The following POLRMT variants were observed in gnomAD, a reference collection of about 807,000 sequenced individuals.
POLRMT encodes the protein DNA-directed RNA polymerase, mitochondrial.
A neutral mutation model predicts 132.2 loss-of-function variants in POLRMT; 114 were observed. The ratio of observed to expected loss-of-function variants is 0.86; its 90% CI spans 0.74 to 1.01. The LOEUF is 1.01. POLRMT is among the 50% of genes least tolerant of loss of function. The pLI is 0.00. For synonymous variants in POLRMT, 1,020 were observed against 773.4 expected (o/e 1.32, Z -5.29); for missense variants, 2,003 against 1,729.1 (o/e 1.16, Z -2.81).
At chr19:630,535 C>T (rs1985339396) in intron 2 of POLRMT, among the ~76,000 whole-genome samples, 1 of 152,182 alleles carries the variant, frequency 6.6e-6, no homozygotes, top group Admixed American at 6.5e-5. Flanking sequence ...CTCCTCTGGG[C>T]TTGCCTCCAG....
In POLRMT at chr19:632,914, G is replaced by A. The variant is rs748200791; in HGVS notation, c.113C>T (p.Pro38Leu). ...KEGTAGGVCG[P>L]RRSSSASPQE... ...GGGGCTGGCGGACGAGCTCCTCCTG[G>A]GGCCGCAGACGCCACCGGCGGTCCC... The change falls in exon 2 of 21, where the codon CCC (proline) becomes CTC (leucine). Residue 38 changes from proline to leucine, a missense_variant. Transcript: ENST00000588649. 6.5e-7 allele frequency: 1 copy of A among 1,531,534 alleles called. No homozygotes were observed. Among genetic ancestry groups the A allele is most frequent in the Non-Finnish European group, 8.7e-7 (1 of 1,144,286 alleles). 94.9% of individuals were successfully genotyped at this position (1,531,534 alleles called of 1,614,324 possible). A position where few individuals can be genotyped will look rare whatever the true frequency, so the allele number is the denominator to read the frequency against.
chr19:633,529 G>GGCGCCGCCCCCGCCGCCGCCGCCGCC lies in POLRMT; in HGVS notation c.-18_-17insGGCGGCGGCGGCGGCGGGGGCGGCGC, dbSNP rs57880842. On this transcript the variant is annotated 5_prime_UTR_variant, in exon 1 of 21. Coordinates refer to ENST00000588649, the MANE Select transcript of POLRMT (RefSeq NM_005035.4). Reference sequence around the variant, plus strand: ...TGCCGACATTACGCACGCCGCTCCAGGCCACCCCACCGGCCCGCGCCTGCG... The same window carrying GGCGCCGCCCCCGCCGCCGCCGCCGCC: ...TGCCGACATTACGCACGCCGCTCCAGGCGCCGCCCCCGCCGCCGCCGCCGCCGCCACCCCACCGGCCCGCGCCTGCG... The GGCGCCGCCCCCGCCGCCGCCGCCGCC allele has an allele frequency of 7.0e-7, 1 of 1,433,808 alleles. No individual in the cohort carries two copies. Among genetic ancestry groups the GGCGCCGCCCCCGCCGCCGCCGCCGCC allele is most frequent in the African/African-American group, 1.5e-5 (1 of 65,532 alleles). The allele number at this position is 1,433,808 out of a possible 1,614,324, so 88.8% of individuals were successfully genotyped here.
rs940736344 is a variant in POLRMT at position 621,333 on chromosome 19, G to C, written c.2365C>G (p.Leu789Val). 1 of 1,591,454 alleles carries C rather than the reference G, an allele frequency of 6.3e-7. No individual in the cohort carries two copies. Reference sequence around the variant, plus strand: ...GGCAGCCAGAAGACGCGGTCCCGCAGGTGCTGCGCCAGCGAGAGGCGGTAC... The same window carrying C: ...GGCAGCCAGAAGACGCGGTCCCGCACGTGCTGCGCCAGCGAGAGGCGGTAC... ...ALYRLSLAQH[L>V]RDRVFWLPHN... The change falls in exon 10 of 21, where the codon CTG (leucine) becomes GTG (valine). Residue 789 changes from leucine to valine, a missense_variant. Transcript: ENST00000588649.
intron 2 of POLRMT, among the ~76,000 whole-genome samples, chr19:630,730 G>C (rs935867202): frequency 1.3e-5 from 2 of 152,164 alleles, no homozygotes; most frequent in Non-Finnish European, 2.9e-5. Flanking sequence ...TAGGCTCCCA[G>C]TGTCTACACC....
At chr19:628,154 G>A (rs1376006441) in intron 3 of POLRMT, among the ~76,000 whole-genome samples, 8 of 152,184 alleles carry the variant, frequency 5.3e-5, no homozygotes, top group Non-Finnish European at 1.2e-4. Context: ...CCTCTGGAGA[G>A]ACTTCGGGTC....
Position 617,499 on chromosome 19 carries a change from T to TGGGGTG in POLRMT, c.3582-25_3582-20dup. On this transcript the variant is annotated intron_variant, in intron 19 of 20. Transcript: ENST00000588649. Reference sequence around the variant, plus strand: ...CTGGGGCCTGGGGTTGGAAGCAGGGTGGGGTGAGGCTGAGGCCAGGTTTTG... The same window carrying TGGGGTG: ...CTGGGGCCTGGGGTTGGAAGCAGGGTGGGGTGGGGGTGAGGCTGAGGCCAGGTTTTG... 6 of 1,402,950 alleles carry TGGGGTG rather than the reference T, an allele frequency of 4.3e-6. No individual in the cohort carries two copies. Among genetic ancestry groups the TGGGGTG allele is most frequent in the Non-Finnish European group, 5.8e-6 (6 of 1,034,198 alleles). 86.9% of individuals were successfully genotyped at this position (1,402,950 alleles called of 1,614,324 possible). A position where few individuals can be genotyped will look rare whatever the true frequency, so the allele number is the denominator to read the frequency against.
rs1207815779 is a variant in POLRMT, at chr19:618,698, C to CA, written c.3323+6dup. The CA allele has an allele frequency of 1.2e-6, 2 of 1,606,720 alleles. No homozygotes were observed. The highest frequency in any genetic ancestry group is 1.3e-5 in the African/African-American group (1 of 74,958). Reference sequence around the variant, plus strand: ...CGGCCAGGCCCCAGCCCGGGCCCCCCACTCACCGGCTGATGTCTCCGTTGT... The same window carrying CA: ...CGGCCAGGCCCCAGCCCGGGCCCCCCAACTCACCGGCTGATGTCTCCGTTGT... On this transcript the variant is annotated splice_region_variant and intron_variant, in intron 16 of 20. Coordinates refer to ENST00000588649, the MANE Select transcript of POLRMT (RefSeq NM_005035.4).
chr19:622,511 G>A (rs1984694571), intron 8 of POLRMT, 71 bp downstream of exon 8: 3 of 1,501,908 alleles, frequency 2.0e-6, no homozygotes, highest in African/African-American at 2.8e-5. Context: ...TGCAAACCCG[G>A]CTGCTCCAGG....
intron 10 of POLRMT, among the ~76,000 whole-genome samples, 159 bp downstream of exon 10, chr19:620,899 G>C (rs868431748): frequency 1.9e-5 from 1 of 52,692 alleles, no homozygotes; most frequent in Admixed American, 1.6e-4. Context: ...GCCAGGGGAG[G>C]GGGAGGGGAG....
rs373275474 is a variant in POLRMT, at chr19:627,606, T to C, written c.822+1934A>G. 2.0e-5 allele frequency among the ~76,000 whole-genome samples: 3 copies of C among 151,904 alleles called. No individual in the cohort carries two copies. In the East Asian group the frequency reaches 5.8e-4, roughly 29 times the overall value. On this transcript the variant is annotated intron_variant, in intron 3 of 20. Transcript: ENST00000588649. Reference sequence around the variant, plus strand: ...CAGATGCGGAAAATTCCCAACATCATAGAAAGTTCTACTGGATGGTGCTGG... The same window carrying C: ...CAGATGCGGAAAATTCCCAACATCACAGAAAGTTCTACTGGATGGTGCTGG...
At chr19:630,229 C>G in intron 2 of POLRMT, 61 bp from the exon 3 acceptor site, 1 of 1,513,446 alleles carries the variant, frequency 6.6e-7, no homozygotes, top group East Asian at 2.3e-5. Flanking sequence ...GCACCCGTCT[C>G]TCTGGACCCT....
In POLRMT at chr19:620,396, G is replaced by A. The variant is rs1301336919; in HGVS notation, c.2732C>T (p.Ala911Val). 1.3e-6 allele frequency: 2 copies of A among 1,583,638 alleles called. No individual in the cohort carries two copies. The highest frequency in any genetic ancestry group is 3.6e-5 in the Admixed American group (2 of 56,172). The part of the protein sequence containing the change: ...VANAVRASDP[A>V]AYVSHLPVHQ... Reference sequence around the variant, plus strand: ...GACGGGGAGGTGGGAGACATAGGCGGCAGGGTCGGAGGCGCGCACAGCGTT... The same window carrying A: ...GACGGGGAGGTGGGAGACATAGGCGACAGGGTCGGAGGCGCGCACAGCGTT... The change falls in exon 11 of 21, where the codon GCC (alanine) becomes GTC (valine). Residue 911 changes from alanine (A) to valine (V), a missense_variant. Ala to Val is a moderately conservative substitution (Grantham distance 64). Transcript: ENST00000588649.
rs766123101 is a variant in POLRMT, at chr19:617,286, G to A, written c.3681C>T (p.Tyr1227=). Residue 1227 remains tyrosine, a synonymous_variant, in exon 21 of 21, where the codon TAC becomes TAT. Transcript: ENST00000588649. The part of the protein sequence containing the change: ...FDLEQVKRST[Y]FFS ...GGCTCACGGGGTGTCAGCTGAAGAA[G>A]TAGGTGGAACGCTTCACCTGCTCCA... 1.9e-6 allele frequency: 3 copies of A among 1,612,890 alleles called. No homozygotes were observed. The highest frequency in any genetic ancestry group is 2.5e-6 in the Non-Finnish European group (3 of 1,179,884).
intron 10 of POLRMT, 143 bp downstream of exon 10, chr19:620,906 GGAGGAGGAA>G: frequency 8.0e-6 from 1 of 124,626 alleles, no homozygotes; most frequent in Non-Finnish European, 1.3e-5. Flanking sequence ...GAGGGGGAGG[GGAGGAGGAA>G]GACGGGCAGG....
intron 2 of POLRMT, among the ~76,000 whole-genome samples, chr19:631,221 C>T (rs772074048): frequency 7.3e-5 from 11 of 151,484 alleles, no homozygotes; most frequent in Non-Finnish European, 1.2e-4. Context: ...CCAGCTACTC[C>T]GGTGGCTGAG....
chr19:617,540 C>A, intron 19 of POLRMT, 30 bp downstream of exon 19: 1 of 1,609,176 alleles, frequency 6.2e-7, no homozygotes. Flanking sequence ...GGGGGGGAAT[C>A]CAGGTAGTTG....
intron 5 of POLRMT, 64 bp from the exon 6 acceptor site, chr19:623,667 C>T (rs958153952): frequency 1.0e-5 from 16 of 1,574,712 alleles, no homozygotes; most frequent in African/African-American, 4.1e-5. Flanking sequence ...CCCAGGACCC[C>T]GAGACAGCAT....
At chr19:623,302 A>G in intron 6 of POLRMT, 152 bp downstream of exon 6, 1 of 1,356,658 alleles carries the variant, frequency 7.4e-7, no homozygotes. Flanking sequence ...TGAGCAATTC[A>G]ACCGCATACA....
rs896752964 is a variant in POLRMT at position 617,931 on chromosome 19, C to T, written c.3423-82G>A. The T allele has an allele frequency of 1.3e-5, 17 of 1,347,392 alleles. No homozygotes were observed. The African/African-American group carries it at 1.7e-4, about 14-fold the overall frequency. 83.5% of individuals were successfully genotyped at this position (1,347,392 alleles called of 1,614,324 possible). A position where few individuals can be genotyped will look rare whatever the true frequency, so the allele number is the denominator to read the frequency against. Reference sequence around the variant, plus strand: ...CCAGCATCCTGGCCCTGCGCTCAGCCCCCTCCACTTGAGGTCCAGGGAAGC... The same window carrying T: ...CCAGCATCCTGGCCCTGCGCTCAGCTCCCTCCACTTGAGGTCCAGGGAAGC... On this transcript the variant is annotated intron_variant, in intron 17 of 20. Transcript: ENST00000588649.
Sources: gnomAD v4.1 joint callset for allele counts (sites outside exome capture counted in the v4.1 genomes callset) on GRCh38, gnomAD v4.1.1 for gene constraint, MANE v1.5 for transcripts, NCBI Gene and HGNC (gene_info 2026-07-23, HGNC 2026-07-21) for gene names.